SP100: variants seen among roughly 807,000 people sequenced by gnomAD.
SP100 encodes the protein SP100 nuclear body protein.
In SP100, 84 loss-of-function variants were observed where a neutral mutation model predicts 130.0. The observed-to-expected ratio is 0.65, with a 90% CI of 0.54 to 0.77. The LOEUF (loss-of-function observed/expected upper bound fraction) is 0.77. Ranked by LOEUF, SP100 falls within the 30% of genes least tolerant of loss-of-function variation. The pLI is 0.00. For missense variants in SP100, 978 were observed against 1,052.2 expected (o/e 0.93, Z 0.97); for synonymous variants, 331 against 351.7 (o/e 0.94, Z 0.66).
chr2:230,522,095 G>T (rs747935513), intron 24 of SP100, among the ~76,000 whole-genome samples: 13 of 152,160 alleles, frequency 8.5e-5, no homozygotes, highest in Non-Finnish European at 1.3e-4. Context: ...CAGACAGTGG[G>T]ATTGGCTCCT....
At chr2:230,422,677 TCTAA>T (rs1175419044) in intron 2 of SP100, among the ~76,000 whole-genome samples, 2 of 152,236 alleles carry the variant, frequency 1.3e-5, no homozygotes, top group Admixed American at 6.5e-5. Context: ...CTTTTCTGCC[TCTAA>T]CTCTCTCTTA....
intron 18 of SP100, among the ~76,000 whole-genome samples, chr2:230,496,963 A>G (rs1207173613): frequency 6.6e-6 from 1 of 152,190 alleles, no homozygotes; most frequent in Non-Finnish European, 1.5e-5. Flanking sequence ...CCTGAAGGTG[A>G]AGATCAGTTA....
intron 24 of SP100, among the ~76,000 whole-genome samples, chr2:230,511,600 C>A (rs1220373715): frequency 6.6e-6 from 1 of 152,156 alleles, no homozygotes; most frequent in Non-Finnish European, 1.5e-5. Context: ...CCAGAAGGAA[C>A]AGACCGAGCC....
chr2:230,462,406 C>T (rs1446793308), intron 9 of SP100, 29 bp from the exon 10 acceptor site: 89 of 1,577,986 alleles, frequency 5.6e-5, no homozygotes, highest in Non-Finnish European at 7.8e-5. Flanking sequence ...CACCCTGAGA[C>T]TCTTAATGGT....
At chr2:230,515,744 A>G (rs562907805) in intron 24 of SP100, 1 of 1,512,436 alleles carries the variant, frequency 6.6e-7, no homozygotes, top group East Asian at 2.2e-5. Flanking sequence ...ACTGTGTAAG[A>G]TTTGTTTTTA....
At position 230,539,327 on chromosome 2, in the gene SP100, A is replaced by T. The variant is rs749580435; in HGVS notation, c.2155A>T (p.Thr719Ser). The change falls in exon 25 of 29, where the codon ACT becomes TCT. Residue 719 changes from threonine to serine, a missense_variant. By Grantham distance (58) the Thr-to-Ser change is moderately conservative. Coordinates refer to ENST00000340126, the MANE Select transcript of SP100 (RefSeq NM_001080391.2). ...ATGGGGACGGCTGTTCTGCTGCGAC[A>T]CTTGTCCAAGATCCTTTCATGAGCA... ...NKWGRLFCCD[T>S]CPRSFHEHCH... 2 of 1,613,978 alleles carry T rather than the reference A, an allele frequency of 1.2e-6. No individual in the cohort carries two copies. The highest frequency in any genetic ancestry group is 2.2e-5 in the South Asian group (2 of 91,066).
intron 23 of SP100, 21 bp downstream of exon 23, chr2:230,508,052 T>C: frequency 6.2e-7 from 1 of 1,612,772 alleles, no homozygotes; most frequent in South Asian, 1.1e-5. Flanking sequence ...AGTGATCTTC[T>C]GCCAATGTCT....
Position 230,511,308 on chromosome 2 carries a change from T to C in SP100, c.2094+142T>C, listed in dbSNP as rs1048982623. 16 of 695,534 alleles carry C rather than the reference T, an allele frequency of 2.3e-5. No individual in the cohort carries two copies. In the African/African-American group the frequency reaches 2.7e-4, roughly 12 times the overall value. The allele number at this position is 695,534 out of a possible 1,614,324, so 43.1% of individuals were successfully genotyped here. On this transcript the variant is annotated intron_variant, in intron 24 of 28. Coordinates refer to ENST00000340126, the MANE Select transcript of SP100 (RefSeq NM_001080391.2). Reference sequence around the variant, plus strand: ...GTGTGATTAGAAGATGCAAGCCAGGTACCTGGGTCTGGGATTGGGTGTCTC... The same window carrying C: ...GTGTGATTAGAAGATGCAAGCCAGGCACCTGGGTCTGGGATTGGGTGTCTC...
intron 2 of SP100, among the ~76,000 whole-genome samples, chr2:230,429,539 CT>C (rs1201726006): frequency 6.6e-6 from 1 of 152,160 alleles, no homozygotes; most frequent in Admixed American, 6.5e-5. Context: ...TCTAAATGTA[CT>C]TTCTGTTCAT....
At chr2:230,542,122 G>A in intron 28 of SP100, 87 bp downstream of exon 28, 2 of 1,403,202 alleles carry the variant, frequency 1.4e-6, no homozygotes. Context: ...TCAGGTAAAT[G>A]TTACAATCGC....
intron 2 of SP100, among the ~76,000 whole-genome samples, chr2:230,432,323 A>ATTATT (rs1458869132): frequency 6.6e-6 from 1 of 152,090 alleles, no homozygotes; most frequent in Admixed American, 6.5e-5. Context: ...TTTTTTGACT[A>ATTATT]TTATGAATAA....
At chr2:230,439,113 G>C (rs945721540) in intron 2 of SP100, among the ~76,000 whole-genome samples, 1 of 152,052 alleles carries the variant, frequency 6.6e-6, no homozygotes, top group Admixed American at 6.6e-5. Flanking sequence ...GTGATGTTGA[G>C]AATTTTTTCA....
rs1692270793 is a variant in SP100, at chr2:230,544,977, A to G, written c.*2031A>G. ...GGAGAAAAGGGAACATTTATACACT[A>G]TTGATGGGAGTGTAAATTAGTTCAA... is the stretch of plus-strand genomic sequence containing the variant. On this transcript the variant is annotated 3_prime_UTR_variant, in exon 29 of 29. Transcript: ENST00000340126. 6.6e-6 allele frequency among the ~76,000 whole-genome samples: 1 copy of G among 152,228 alleles called. No homozygotes were observed. Among genetic ancestry groups the G allele is most frequent in the Non-Finnish European group, 1.5e-5 (1 of 68,042 alleles).
Position 230,544,913 on chromosome 2 carries a change from C to A in SP100, c.*1967C>A, listed in dbSNP as rs1173467350. Among the ~76,000 whole-genome samples, 1 of 152,164 alleles carries A rather than the reference C, an allele frequency of 6.6e-6. No individual in the cohort carries two copies. Among genetic ancestry groups the A allele is most frequent in the African/African-American group, 2.4e-5 (1 of 41,438 alleles). On this transcript the variant is annotated 3_prime_UTR_variant, in exon 29 of 29. Transcript: ENST00000340126. ...CCATCTCACACCAGTCAAAATGCCT[C>A]TTTCTAAAAAGTCAAAAAATAACAG...
intron 12 of SP100, 97 bp from the exon 13 acceptor site, chr2:230,467,023 A>G (rs2064995907): frequency 1.2e-6 from 1 of 830,306 alleles, no homozygotes; most frequent in Admixed American, 1.9e-5. Context: ...TCAGAGCATC[A>G]CAAATTTTCC....
chr2:230,540,112 A>C (rs1001625756), intron 25 of SP100, among the ~76,000 whole-genome samples: 1 of 152,174 alleles, frequency 6.6e-6, no homozygotes, highest in African/African-American at 2.4e-5. Context: ...GCAGAGGCAG[A>C]AGAAAAACCA....
chr2:230,504,756 C>T (rs185004921), intron 21 of SP100, among the ~76,000 whole-genome samples: 88 of 152,246 alleles, frequency 5.8e-4, no homozygotes, highest in East Asian at 9.6e-4. Context: ...ATATCATTTG[C>T]GCAAACAGTT....
intron 24 of SP100, among the ~76,000 whole-genome samples, chr2:230,528,389 TAC>T (rs1416275639): frequency 2.0e-5 from 3 of 152,184 alleles, no homozygotes; most frequent in Admixed American, 2.0e-4. Context: ...TGAGAACAAA[TAC>T]ACAGTGTACC....
At position 230,460,592 on chromosome 2, in the gene SP100, C is replaced by CT. The variant is rs1193506734; in HGVS notation, c.821-628dup. On this transcript the variant is annotated intron_variant, in intron 8 of 28. Transcript: ENST00000340126. ...TGTCTGGGGTATTGGTAATCTGTTT[C>CT]TTTTTTTTTTTTTTTTTTTTTTTTT... Among the ~76,000 whole-genome samples, 15 of 17,196 alleles carry CT rather than the reference C, an allele frequency of 8.7e-4. 2 individuals carry two copies. Among genetic ancestry groups the CT allele is most frequent in the Non-Finnish European group, 1.1e-3 (12 of 10,786 alleles). The allele number at this position is 17,196 out of a possible 152,430, so 11.3% of individuals were successfully genotyped here. A position where few individuals can be genotyped will look rare whatever the true frequency, so the allele number is the denominator to read the frequency against.
Sources: gnomAD v4.1 joint callset for allele counts (sites outside exome capture counted in the v4.1 genomes callset) on GRCh38, gnomAD v4.1.1 for gene constraint, MANE v1.5 for transcripts, NCBI Gene and HGNC (gene_info 2026-07-23, HGNC 2026-07-21) for gene names.